Variants in COL9A3 observed in about 807,000 individuals in gnomAD.
The protein encoded by COL9A3 is collagen type IX alpha 3 chain.
Under a neutral mutation model 110.2 loss-of-function variants are expected in COL9A3, and 82 were observed. The observed-to-expected ratio is 0.74, with a 90% CI of 0.62 to 0.89. COL9A3 has a LOEUF of 0.89. Ranked by LOEUF, COL9A3 falls within the 40% of genes least tolerant of loss-of-function variation. The probability of loss-of-function intolerance (pLI) is 0.00; values close to 1 mark genes in which losing one functional copy is unlikely to be tolerated. For missense variants in COL9A3, 1,066 were observed against 981.3 expected, an observed-to-expected ratio of 1.09 and a Z score of -1.15; for synonymous variants, 494 against 403.8, an observed-to-expected ratio of 1.22 and a Z score of -2.68.
chr20:62,816,956 G>A (rs1990939171), upstream of COL9A3: 1 of 583,742 alleles, frequency 1.7e-6, no homozygotes, highest in Non-Finnish European at 2.4e-6. Flanking sequence ...TGAATGGGGG[G>A]CTTGTGCAGG....
intron 16 of COL9A3, 122 bp from the exon 17 acceptor site, chr20:62,827,801 C>T (rs1018076017): frequency 2.2e-5 from 22 of 997,256 alleles, no homozygotes; most frequent in African/African-American, 1.6e-4. Context: ...GGGTGGTGGT[C>T]GGGGGTGGCC....
At chr20:62,819,461 C>T (rs951338714) in intron 4 of COL9A3, among the ~76,000 whole-genome samples, 168 bp downstream of exon 4, 9 of 152,224 alleles carry the variant, frequency 5.9e-5, no homozygotes, top group Admixed American at 1.3e-4. Flanking sequence ...TCATCCCAGA[C>T]GCCACCAGCA....
intron 26 of COL9A3, among the ~76,000 whole-genome samples, chr20:62,835,477 T>C (rs886175681): frequency 3.3e-5 from 5 of 152,220 alleles, no homozygotes; most frequent in African/African-American, 1.2e-4. Context: ...AGCATTGCAG[T>C]GCAGTGGCCG....
intron 27 of COL9A3, 63 bp from the exon 28 acceptor site, chr20:62,836,124 A>G (rs2063632939): frequency 6.2e-7 from 1 of 1,603,466 alleles, no homozygotes; most frequent in Non-Finnish European, 8.5e-7. Flanking sequence ...GGGAAAGAGC[A>G]CGTCGGGGTG....
chr20:62,839,053 C>T (rs1373710729), intron 31 of COL9A3, among the ~76,000 whole-genome samples: 1 of 152,040 alleles, frequency 6.6e-6, no homozygotes, highest in East Asian at 1.9e-4. Context: ...AGTGAAACCC[C>T]ATCTGTATTA....
rs2063675921 is a variant in COL9A3, at chr20:62,841,153, TC to T, written c.*424del. The T allele has an allele frequency of 4.8e-6, 1 of 206,880 alleles. No individual in the cohort carries two copies. The highest frequency in any genetic ancestry group is 7.1e-5 in the South Asian group (1 of 14,112). The allele number at this position is 206,880 out of a possible 1,614,324, so 12.8% of individuals were successfully genotyped here. On this transcript the variant is annotated 3_prime_UTR_variant, in exon 32 of 32. Coordinates refer to ENST00000649368, the MANE Select transcript of COL9A3 (RefSeq NM_001853.4). ...AGAATTTAATGTACAGTAAATTCTC[TC>T]CCATACAAAGGTCTAGTCTGATGTT... is the stretch of plus-strand genomic sequence containing the variant.
chr20:62,829,351 G>T (rs1432398406), intron 19 of COL9A3, 104 bp from the exon 20 acceptor site: 1 of 1,466,754 alleles, frequency 6.8e-7, no homozygotes, highest in African/African-American at 1.4e-5. Context: ...GCCTTTGGGT[G>T]CACTCACTCT....
chr20:62,829,848 G>A, intron 22 of COL9A3, 29 bp downstream of exon 22: 1 of 1,546,156 alleles, frequency 6.5e-7, no homozygotes, highest in Non-Finnish European at 8.7e-7. Context: ...CCCGGGGTCG[G>A]GGGTTAGCAC....
intron 20 of COL9A3, 36 bp downstream of exon 20, chr20:62,829,535 AG>A: frequency 6.6e-7 from 1 of 1,514,740 alleles, no homozygotes; most frequent in Non-Finnish European, 9.1e-7. Flanking sequence ...CTGGGAGGGG[AG>A]GCGAGGGGCC....
chr20:62,825,207 G>T (rs1240917655), intron 12 of COL9A3, among the ~76,000 whole-genome samples, 186 bp downstream of exon 12: 1 of 151,714 alleles, frequency 6.6e-6, no homozygotes, highest in Non-Finnish European at 1.5e-5. Context: ...GCGGTGGGGA[G>T]GGACCGTTTC....
intron 11 of COL9A3, 113 bp from the exon 12 acceptor site, chr20:62,824,855 G>A (rs979730810): frequency 2.6e-6 from 3 of 1,152,784 alleles, no homozygotes; most frequent in Non-Finnish European, 3.8e-6. Context: ...GGTCCTGTGC[G>A]CTGCCGTGTG....
At chr20:62,825,211 C>CTGGGCTCCGGCGGGAGGGAGGGGCTGGG (rs2063543064) in intron 12 of COL9A3, among the ~76,000 whole-genome samples, 190 bp downstream of exon 12, 1 of 150,718 alleles carries the variant, frequency 6.6e-6, no homozygotes. Context: ...TGGGGAGGGA[C>CTGGGCTCCGGCGGGAGGGAGGGGCTGGG]CGTTTCATGG....
Position 62,824,572 on chromosome 20 carries a change from C to T in COL9A3, c.576+71C>T, listed in dbSNP as rs45440599. 6,869 of 1,464,502 alleles carry T rather than the reference C, an allele frequency of 4.7e-3. 26 individuals carry two copies. The highest frequency in any genetic ancestry group is 6.0e-3 in the Admixed American group (304 of 51,036). The allele number at this position is 1,464,502 out of a possible 1,614,324, so 90.7% of individuals were successfully genotyped here. A position where few individuals can be genotyped will look rare whatever the true frequency, so the allele number is the denominator to read the frequency against. ...AGGAGGCAGCTGGGCTCCCATGGGG[C>T]TGTGGAGGTGGCGGGTCCAGAAAGC... On this transcript the variant is annotated intron_variant, in intron 11 of 31. Coordinates refer to ENST00000649368, the MANE Select transcript of COL9A3 (RefSeq NM_001853.4).
chr20:62,824,616 TTGCC>T, intron 11 of COL9A3, 115 bp downstream of exon 11: 1 of 1,126,544 alleles, frequency 8.9e-7, no homozygotes. Flanking sequence ...GGTTCCAGGG[TTGCC>T]CCAGGAAGAA....
intron 12 of COL9A3, 35 bp from the exon 13 acceptor site, chr20:62,825,782 C>T (rs1484768985): frequency 2.4e-5 from 37 of 1,549,576 alleles, no homozygotes; most frequent in Non-Finnish European, 3.1e-5. Flanking sequence ...GAGAGCCAGA[C>T]TGGGCCGCTG....
rs1259725560 is a variant in COL9A3, at chr20:62,819,936, C to G, written c.263C>G (p.Thr88Ser). 1 of 1,612,970 alleles carries G rather than the reference C, an allele frequency of 6.2e-7. No individual in the cohort carries two copies. Among genetic ancestry groups the G allele is most frequent in the Non-Finnish European group, 8.5e-7 (1 of 1,180,000 alleles). Residue 88 changes from threonine to serine, a missense_variant, in exon 5 of 32, where the codon ACT becomes AGT. Physicochemically the swap from Thr to Ser is moderately conservative, Grantham distance 58 (BLOSUM62 1). Transcript: ENST00000649368. ...LPGLPGVDGL[T>S]GRDGPPGPKG... is the part of the protein sequence containing the mutation. ...CCCTCTGCCTCTCCCCAGGGTCTGA[C>G]TGGACGAGATGGACCCCCTGGACCC...
chr20:62,827,233 C>A lies in COL9A3; in HGVS notation c.793-8C>A, dbSNP rs770102448. The A allele has an allele frequency of 1.2e-6, 2 of 1,613,288 alleles. No homozygotes were observed. Among genetic ancestry groups the A allele is most frequent in the Non-Finnish European group, 1.7e-6 (2 of 1,179,962 alleles). On this transcript the variant is annotated splice_region_variant and splice_polypyrimidine_tract_variant and intron_variant, in intron 15 of 31. Transcript: ENST00000649368. ...AACTCTGTCCCTGCCCCACCTCATC[C>A]TTTCCAGGGTGACCGAGGCGAGAGG...
chr20:62,838,560 T>C (rs943344330), intron 30 of COL9A3, 124 bp from the exon 31 acceptor site: 209 of 913,614 alleles, frequency 2.3e-4, no homozygotes, highest in Non-Finnish European at 1.9e-4. Context: ...TCTGTACTTT[T>C]CTAAATGTTT....
chr20:62,827,801 CG>C, intron 16 of COL9A3, 121 bp from the exon 17 acceptor site: 2 of 997,246 alleles, frequency 2.0e-6, no homozygotes. Context: ...GGGTGGTGGT[CG>C]GGGGTGGCCC....
Sources: allele counts gnomAD v4.1 joint callset (sites outside exome capture counted in the v4.1 genomes callset), GRCh38; gene constraint gnomAD v4.1.1; transcripts MANE v1.5; gene names NCBI Gene and HGNC (gene_info 2026-07-23, HGNC 2026-07-21).